The following CADPS2 variants were observed in gnomAD, a reference collection of about 807,000 sequenced individuals.
CADPS2 encodes the protein calcium dependent secretion activator 2, also known as calcium-dependent secretion activator 2.
CADPS2 carries 93 observed loss-of-function variants against 172.5 expected under a neutral mutation model. The ratio of observed to expected loss-of-function variants is 0.54; its 90% CI spans 0.46 to 0.64. The LOEUF (loss-of-function observed/expected upper bound fraction) is 0.64, where lower values mean the gene tolerates loss of function less well. Among genes scored for constraint, CADPS2 ranks in the 30% least tolerant of loss-of-function variants. CADPS2 has a pLI of 0.00. For synonymous variants in CADPS2, 546 were observed against 555.2 expected, an observed-to-expected ratio of 0.98 and a Z score of 0.23; for missense variants, 1,420 against 1,565.9, an observed-to-expected ratio of 0.91 and a Z score of 1.57.
chr7:122,542,788 T>C (rs898243719), intron 8 of CADPS2, among the ~76,000 whole-genome samples: 1 of 152,178 alleles, frequency 6.6e-6, no homozygotes, highest in African/African-American at 2.4e-5. Flanking sequence ...GGTTTTATCA[T>C]CTTCCCTTTT....
chr7:122,419,295 G>C (rs765681209), intron 17 of CADPS2, among the ~76,000 whole-genome samples: 2 of 152,206 alleles, frequency 1.3e-5, no homozygotes, highest in Non-Finnish European at 2.9e-5. Flanking sequence ...GGGTGGATAA[G>C]AGAGCATGCT....
chr7:122,542,627 G>GTT (rs1313531187), intron 8 of CADPS2, among the ~76,000 whole-genome samples: 1 of 152,066 alleles, frequency 6.6e-6, no homozygotes, highest in Non-Finnish European at 1.5e-5. Context: ...ATTTTCAACT[G>GTT]TAACATTACT....
chr7:122,832,167 T>C (rs1806752065), intron 1 of CADPS2, among the ~76,000 whole-genome samples: 1 of 152,162 alleles, frequency 6.6e-6, no homozygotes, highest in African/African-American at 2.4e-5. Flanking sequence ...AACATTTAAA[T>C]AAATACTGTA....
Position 122,886,055 on chromosome 7 carries a change from T to C in CADPS2, c.283A>G (p.Ile95Val). The C allele has an allele frequency of 6.2e-7, 1 of 1,607,220 alleles. No homozygotes were observed. Among genetic ancestry groups the C allele is most frequent in the Non-Finnish European group, 8.5e-7 (1 of 1,177,316 alleles). ...TGCTTGGCGTTGAAGGGGTACGCGA[T>C]GCACCTCACGACGAAGACGTAGAGC... is the stretch of plus-strand genomic sequence containing the variant. ...LQLYVFVVRC[I>V]AYPFNAKQPT... The change falls in exon 1 of 30, where the codon ATC (isoleucine) becomes GTC (valine). Residue 95 changes from isoleucine (I) to valine (V), a missense_variant. By Grantham distance (29) the Ile-to-Val change is conservative (BLOSUM62 3). Transcript: ENST00000449022.
rs1474404214 is a variant in CADPS2 at position 122,723,870 on chromosome 7, C to T, written c.453+13085G>A. Among the ~76,000 whole-genome samples the T allele has an allele frequency of 6.6e-5, 10 of 152,134 alleles. No homozygotes were observed. The East Asian group carries it at 1.7e-3, about 26-fold the overall frequency. On this transcript the variant is annotated intron_variant, in intron 2 of 29. Coordinates refer to ENST00000449022, the MANE Select transcript of CADPS2 (RefSeq NM_017954.11). Reference sequence around the variant, plus strand: ...GCCATAAAAAATGATGAGTTCATGTCCTTTGTAGGGACATGGATGAAGCTG... The same window carrying T: ...GCCATAAAAAATGATGAGTTCATGTTCTTTGTAGGGACATGGATGAAGCTG...
chr7:122,447,516 T>C (rs1223352678), intron 15 of CADPS2, among the ~76,000 whole-genome samples: 1 of 147,088 alleles, frequency 6.8e-6, no homozygotes, highest in East Asian at 2.0e-4. Context: ...CCTTTCTCTC[T>C]CCCATGTTGA....
intron 19 of CADPS2, among the ~76,000 whole-genome samples, chr7:122,412,578 T>C (rs2047437430): frequency 6.6e-6 from 1 of 152,232 alleles, no homozygotes; most frequent in African/African-American, 2.4e-5. Context: ...TGCAGTGAAC[T>C]GAGAGCTGTC....
intron 3 of CADPS2, among the ~76,000 whole-genome samples, chr7:122,642,213 G>C (rs758878548): frequency 6.6e-6 from 1 of 150,990 alleles, no homozygotes; most frequent in Non-Finnish European, 1.5e-5. Context: ...CCAGGAGGCA[G>C]AGGTTGCAGT....
At chr7:122,330,322 A>G (rs1002423248) in intron 28 of CADPS2, among the ~76,000 whole-genome samples, 3 of 152,230 alleles carry the variant, frequency 2.0e-5, no homozygotes, top group Non-Finnish European at 2.9e-5. Context: ...GCCATTCTTC[A>G]GGATCATTTA....
At chr7:122,549,839 G>A (rs889595996) in intron 8 of CADPS2, among the ~76,000 whole-genome samples, 1 of 151,906 alleles carries the variant, frequency 6.6e-6, no homozygotes, top group Non-Finnish European at 1.5e-5. Flanking sequence ...CATTCTAAAA[G>A]GTACATTTAA....
At chr7:122,769,122 T>C (rs2093637684) in intron 1 of CADPS2, among the ~76,000 whole-genome samples, 1 of 152,144 alleles carries the variant, frequency 6.6e-6, no homozygotes, top group African/African-American at 2.4e-5. Context: ...CTGTAAGTAA[T>C]GTTCTGCTTT....
Position 122,490,077 on chromosome 7 carries a change from T to C in CADPS2, c.1852+4A>G, listed in dbSNP as rs1298271020. On this transcript the variant is annotated splice_donor_region_variant and intron_variant, in intron 11 of 29. Coordinates refer to ENST00000449022, the MANE Select transcript of CADPS2 (RefSeq NM_017954.11). Reference sequence around the variant, plus strand: ...TAATCAAATTATTTTTTAACAAAACTTACAAAGCTGAGCATCTGCATGGAG... The same window carrying C: ...TAATCAAATTATTTTTTAACAAAACCTACAAAGCTGAGCATCTGCATGGAG... The C allele has an allele frequency of 6.2e-7, 1 of 1,612,676 alleles. No individual in the cohort carries two copies. The highest frequency in any genetic ancestry group is 1.1e-5 in the South Asian group (1 of 91,032).
chr7:122,764,979 T>A (rs2093502309), intron 1 of CADPS2, among the ~76,000 whole-genome samples: 1 of 152,160 alleles, frequency 6.6e-6, no homozygotes, highest in African/African-American at 2.4e-5. Context: ...CTACCACAAC[T>A]CAGCTTGGTA....
At chr7:122,832,317 A>C (rs75778484) in intron 1 of CADPS2, among the ~76,000 whole-genome samples, 41 of 151,772 alleles carry the variant, frequency 2.7e-4, no homozygotes, top group African/African-American at 8.9e-4. Flanking sequence ...AAAAAAAAAA[A>C]CCCACCCATG....
intron 7 of CADPS2, among the ~76,000 whole-genome samples, chr7:122,562,692 C>T (rs2065916049): frequency 6.6e-6 from 1 of 152,002 alleles, no homozygotes; most frequent in Non-Finnish European, 1.5e-5. Flanking sequence ...TAAATTTCTC[C>T]TCATAAGTGT....
At chr7:122,520,152 CTT>C (rs1310532296) in intron 8 of CADPS2, among the ~76,000 whole-genome samples, 1 of 151,960 alleles carries the variant, frequency 6.6e-6, no homozygotes, top group Non-Finnish European at 1.5e-5. Flanking sequence ...GGAACAAAAA[CTT>C]TTCTTTAGAA....
At chr7:122,659,928 G>C (rs1196379147) in intron 3 of CADPS2, among the ~76,000 whole-genome samples, 1 of 152,016 alleles carries the variant, frequency 6.6e-6, no homozygotes, top group Non-Finnish European at 1.5e-5. Context: ...TAAATGCAAA[G>C]AAGAAACAAG....
chr7:122,715,483 G>A (rs1015258818), intron 2 of CADPS2, among the ~76,000 whole-genome samples: 6 of 152,074 alleles, frequency 3.9e-5, no homozygotes, highest in Admixed American at 6.6e-5. Context: ...TAATTTAAAA[G>A]TAGCAAATAT....
At chr7:122,376,282 C>A (rs1477890406) in intron 25 of CADPS2, among the ~76,000 whole-genome samples, 6 of 152,124 alleles carry the variant, frequency 3.9e-5, no homozygotes. Flanking sequence ...ACTCTCATTT[C>A]TTTGCAGCAT....
Sources: allele counts gnomAD v4.1 joint callset (sites outside exome capture counted in the v4.1 genomes callset), GRCh38; gene constraint gnomAD v4.1.1; transcripts MANE v1.5; gene names NCBI Gene and HGNC (gene_info 2026-07-23, HGNC 2026-07-21).